SLC39A11: variants seen among roughly 807,000 people sequenced by gnomAD.
SLC39A11 encodes the protein solute carrier family 39 member 11.
In SLC39A11, 33 loss-of-function variants were observed where a neutral mutation model predicts 36.1. That is an observed-to-expected ratio of 0.91 (90% CI 0.69 to 1.22). SLC39A11 has a LOEUF of 1.22. Ranked by LOEUF, SLC39A11 falls within the 50% of genes most tolerant of loss-of-function variation. The probability of loss-of-function intolerance (pLI) is 0.00; values close to 1 mark genes in which losing one functional copy is unlikely to be tolerated. For missense variants in SLC39A11, 432 were observed against 430.3 expected, an observed-to-expected ratio of 1.00 and a Z score of -0.03; for synonymous variants, 166 against 170.3, an observed-to-expected ratio of 0.97 and a Z score of 0.20.
intron 6 of SLC39A11, chr17:72,818,884 C>A (rs2077671707): frequency 6.6e-6 from 1 of 152,124 alleles, no homozygotes; most frequent in Admixed American, 6.5e-5. Flanking sequence ...ACAGTGTGAA[C>A]AGAAAGCTAC....
intron 7 of SLC39A11, among the ~76,000 whole-genome samples, chr17:72,716,980 A>AAATATAT (rs1555646774): frequency 1.5e-5 from 2 of 130,474 alleles, no homozygotes; most frequent in Admixed American, 7.9e-5. Context: ...AAAAAAAAAA[A>AAATATAT]ATATATATAT....
intron 5 of SLC39A11, among the ~76,000 whole-genome samples, chr17:72,854,108 C>T (rs2079513477): frequency 6.6e-6 from 1 of 152,124 alleles, no homozygotes; most frequent in Admixed American, 6.5e-5. Context: ...AACTTATCTT[C>T]AATGAGTCCT....
intron 7 of SLC39A11, among the ~76,000 whole-genome samples, chr17:72,670,830 C>T (rs777847940): frequency 1.3e-4 from 20 of 152,192 alleles, no homozygotes; most frequent in Non-Finnish European, 8.8e-5. Flanking sequence ...TTTTCACTCC[C>T]TAGTCCTTGA....
chr17:72,817,982 A>C (rs1250457334), intron 6 of SLC39A11: 2 of 152,230 alleles, frequency 1.3e-5, no homozygotes, highest in African/African-American at 4.8e-5. Context: ...CAAAGAGGGA[A>C]AAGCCCCTTA....
chr17:72,857,414 T>C (rs1415788621), intron 5 of SLC39A11, among the ~76,000 whole-genome samples: 1 of 152,228 alleles, frequency 6.6e-6, no homozygotes, highest in Non-Finnish European at 1.5e-5. Context: ...TCCATGTCCT[T>C]GCCATTGTGA....
At chr17:72,798,399 C>G (rs1456350048) in intron 6 of SLC39A11, among the ~76,000 whole-genome samples, 1 of 146,706 alleles carries the variant, frequency 6.8e-6, no homozygotes, top group Non-Finnish European at 1.5e-5. Context: ...GAGCTCTGGT[C>G]TCTTCCACTT....
intron 4 of SLC39A11, among the ~76,000 whole-genome samples, chr17:72,965,997 A>AC (rs1452577784): frequency 1.3e-5 from 2 of 152,184 alleles, no homozygotes; most frequent in Non-Finnish European, 2.9e-5. Flanking sequence ...AATGGCTCCA[A>AC]CCCCTCCCCA....
At chr17:72,966,631 G>A (rs553351499) in intron 4 of SLC39A11, among the ~76,000 whole-genome samples, 30 of 151,988 alleles carry the variant, frequency 2.0e-4, no homozygotes, top group Admixed American at 4.6e-4. Context: ...GTGCAGTGGC[G>A]CGATCTCTGC....
chr17:72,997,349 G>A (rs998938165), intron 4 of SLC39A11, among the ~76,000 whole-genome samples: 1 of 152,138 alleles, frequency 6.6e-6, no homozygotes, highest in African/African-American at 2.4e-5. Context: ...CGCCTCCCAG[G>A]TTCAAGCGAT....
At chr17:72,907,307 T>G (rs927255675) in intron 5 of SLC39A11, among the ~76,000 whole-genome samples, 1 of 152,114 alleles carries the variant, frequency 6.6e-6, no homozygotes, top group Admixed American at 6.5e-5. Flanking sequence ...CTGGCCAACA[T>G]GATGAAACCC....
chr17:72,791,159 TAAGTTTGAG>T (rs1442041577), intron 6 of SLC39A11, among the ~76,000 whole-genome samples: 1 of 94,484 alleles, frequency 1.1e-5, no homozygotes, highest in East Asian at 2.2e-4. Context: ...TGATGCATGT[TAAGTTTGAG>T]AACCGGCTGG....
chr17:72,967,229 C>T (rs991664290), intron 4 of SLC39A11, among the ~76,000 whole-genome samples: 1 of 152,162 alleles, frequency 6.6e-6, no homozygotes, highest in East Asian at 1.9e-4. Context: ...CATCCATCCC[C>T]CGCTCTGTAG....
intron 3 of SLC39A11, among the ~76,000 whole-genome samples, chr17:73,058,009 C>CT (rs11322974): frequency 0.034 from 4,006 of 118,490 alleles, 80 homozygotes; most frequent in African/African-American, 0.045. Flanking sequence ...GTTTTAGACT[C>CT]TTTTTTTTTT....
intron 4 of SLC39A11, among the ~76,000 whole-genome samples, chr17:72,982,856 T>G (rs189977848): frequency 2.2e-3 from 332 of 152,312 alleles, no homozygotes; most frequent in Middle Eastern, 6.8e-3. Context: ...GTTGGATTAA[T>G]GAACAACTGA....
chr17:72,996,998 A>C (rs1050047294), intron 4 of SLC39A11, among the ~76,000 whole-genome samples: 11 of 152,068 alleles, frequency 7.2e-5, no homozygotes, highest in African/African-American at 2.7e-4. Context: ...CACCCTCCCC[A>C]CGACCATCTG....
intron 5 of SLC39A11, among the ~76,000 whole-genome samples, chr17:72,936,077 A>T (rs1031130986): frequency 6.6e-6 from 1 of 152,126 alleles, no homozygotes; most frequent in Non-Finnish European, 1.5e-5. Context: ...ATTCGCCTGT[A>T]ATCCCAGCTA....
At chr17:72,933,503 A>G (rs1305317299) in intron 5 of SLC39A11, among the ~76,000 whole-genome samples, 1 of 152,106 alleles carries the variant, frequency 6.6e-6, no homozygotes, top group Non-Finnish European at 1.5e-5. Flanking sequence ...ATTCAGTGCA[A>G]CCCCAGTCAA....
At chr17:72,663,180 T>C (rs1227883065) in intron 7 of SLC39A11, among the ~76,000 whole-genome samples, 1 of 152,226 alleles carries the variant, frequency 6.6e-6, no homozygotes, top group East Asian at 1.9e-4. Flanking sequence ...CATTAGCCCA[T>C]TGGCAGTTTA....
intron 7 of SLC39A11, among the ~76,000 whole-genome samples, chr17:72,728,375 G>A (rs960959493): frequency 4.6e-5 from 7 of 151,632 alleles, no homozygotes; most frequent in African/African-American, 1.4e-4. Flanking sequence ...CCAGGGGGTC[G>A]AGGGTGCAGT....
Sources: gnomAD v4.1 joint callset for allele counts (sites outside exome capture counted in the v4.1 genomes callset) on GRCh38, gnomAD v4.1.1 for gene constraint, MANE v1.5 for transcripts, NCBI Gene and HGNC (gene_info 2026-07-23, HGNC 2026-07-21) for gene names.